ARHGEF4: variants seen among roughly 807,000 people sequenced by gnomAD.
The protein encoded by ARHGEF4 is Rho guanine nucleotide exchange factor 4, also known as APC-stimulated guanine nucleotide exchange factor 1.
A neutral mutation model predicts 162.0 loss-of-function variants in ARHGEF4; 119 were observed. That is an observed-to-expected ratio of 0.73 (90% confidence interval 0.63 to 0.86). ARHGEF4 has a LOEUF of 0.86. Ranked by LOEUF, ARHGEF4 falls within the 40% of genes least tolerant of loss-of-function variation. ARHGEF4 has a pLI of 0.00. For synonymous variants in ARHGEF4, 1,014 were observed against 979.9 expected, an observed-to-expected ratio of 1.03 and a Z score of -0.65; for missense variants, 2,488 against 2,456.0, an observed-to-expected ratio of 1.01 and a Z score of -0.28.
intron 1 of ARHGEF4, among the ~76,000 whole-genome samples, chr2:130,902,321 A>T (rs1680530369): frequency 6.6e-6 from 1 of 151,914 alleles, no homozygotes; most frequent in Admixed American, 6.6e-5. Context: ...ATACAAGGGA[A>T]GTAAAAAGAA....
intron 5 of ARHGEF4, among the ~76,000 whole-genome samples, chr2:131,032,748 C>G (rs143411302): frequency 6.6e-6 from 1 of 152,008 alleles, no homozygotes; most frequent in African/African-American, 2.4e-5. Context: ...TGCCACCAGC[C>G]TAGTTGGGCC....
At chr2:130,944,328 GT>G (rs1683483193) in intron 3 of ARHGEF4, among the ~76,000 whole-genome samples, 1 of 152,128 alleles carries the variant, frequency 6.6e-6, no homozygotes, top group Non-Finnish European at 1.5e-5. Context: ...TATTTGGGAT[GT>G]TTTCAGAAAT....
At chr2:131,002,138 G>C (rs184085573) in intron 4 of ARHGEF4, among the ~76,000 whole-genome samples, 2 of 152,260 alleles carry the variant, frequency 1.3e-5, no homozygotes, top group African/African-American at 4.8e-5. Flanking sequence ...GGAGTACAGT[G>C]GTAAACAAGG....
At chr2:130,954,810 G>A (rs553089271) in intron 4 of ARHGEF4, among the ~76,000 whole-genome samples, 25 of 152,270 alleles carry the variant, frequency 1.6e-4, no homozygotes, top group African/African-American at 5.5e-4. Context: ...TCCTGGGTGT[G>A]TAGGTTATTG....
At chr2:130,890,872 G>A (rs1017343903) in intron 1 of ARHGEF4, among the ~76,000 whole-genome samples, 5 of 152,006 alleles carry the variant, frequency 3.3e-5, no homozygotes, top group African/African-American at 7.2e-5. Context: ...AGGGCCATGC[G>A]GTATCATGTC....
intron 1 of ARHGEF4, among the ~76,000 whole-genome samples, chr2:130,842,511 G>T (rs1451801417): frequency 6.6e-6 from 1 of 152,198 alleles, no homozygotes; most frequent in Admixed American, 6.5e-5. Context: ...GTACAGGGCA[G>T]TTAGAAGTAG....
intron 1 of ARHGEF4, among the ~76,000 whole-genome samples, chr2:130,859,255 A>G (rs1175151207): frequency 1.0e-4 from 1 of 9,688 alleles, no homozygotes; most frequent in African/African-American, 2.5e-4. Flanking sequence ...GCTGGGCATG[A>G]TGGCATGCAC....
intron 1 of ARHGEF4, among the ~76,000 whole-genome samples, chr2:130,886,223 A>G (rs1679509403): frequency 6.6e-6 from 1 of 151,818 alleles, no homozygotes; most frequent in African/African-American, 2.4e-5. Flanking sequence ...ATTTGATTTG[A>G]TGATGCTTTG....
chr2:130,879,327 T>G (rs1269872476), intron 1 of ARHGEF4, among the ~76,000 whole-genome samples: 2 of 152,212 alleles, frequency 1.3e-5, no homozygotes, highest in Non-Finnish European at 2.9e-5. Context: ...AATTGACAGA[T>G]AAAAATCATA....
chr2:130,874,071 A>G (rs951743389), intron 1 of ARHGEF4, among the ~76,000 whole-genome samples: 8 of 150,122 alleles, frequency 5.3e-5, no homozygotes, highest in African/African-American at 1.8e-4. Context: ...TTCTTTCACT[A>G]ATTAAAAGAA....
chr2:130,962,453 GC>G (rs1314153475), intron 4 of ARHGEF4, among the ~76,000 whole-genome samples: 2 of 152,122 alleles, frequency 1.3e-5, no homozygotes, highest in Non-Finnish European at 2.9e-5. Context: ...GCCTGTGGTG[GC>G]CCACTGCCCC....
intron 3 of ARHGEF4, among the ~76,000 whole-genome samples, chr2:130,932,219 A>G (rs1313823014): frequency 6.6e-6 from 1 of 152,004 alleles, no homozygotes; most frequent in Non-Finnish European, 1.5e-5. Context: ...CATAGCACAT[A>G]TCAATACTTC....
chr2:130,846,902 G>A (rs867257569), intron 1 of ARHGEF4, among the ~76,000 whole-genome samples: 20 of 152,202 alleles, frequency 1.3e-4, no homozygotes, highest in African/African-American at 4.3e-4. Flanking sequence ...ACACGGGTAC[G>A]TTTAGCAGGA....
chr2:131,035,729 TCCCACGGGCAGAGCCCCTCTGCCC>T, intron 5 of ARHGEF4: 1 of 985,466 alleles, frequency 1.0e-6, no homozygotes, highest in Non-Finnish European at 1.2e-6. Flanking sequence ...GTGTCAGTCT[TCCCACGGGCAGAGCCCCTCTGCCC>T]CCCTTGCACG....
At chr2:130,838,605 CA>C (rs1034542423) in intron 1 of ARHGEF4, among the ~76,000 whole-genome samples, 42 of 145,542 alleles carry the variant, frequency 2.9e-4, no homozygotes, top group South Asian at 6.6e-4. Flanking sequence ...GACTCCGTCT[CA>C]AAAAAAAGAA....
At chr2:130,947,156 G>C (rs1469899592) in intron 4 of ARHGEF4, 3 of 153,494 alleles carry the variant, frequency 2.0e-5, no homozygotes, top group Non-Finnish European at 1.4e-5. Flanking sequence ...CTTGAACCTG[G>C]GAGTCAGAGG....
intron 1 of ARHGEF4, among the ~76,000 whole-genome samples, chr2:130,852,396 C>T (rs1681471052): frequency 6.6e-6 from 1 of 152,176 alleles, no homozygotes; most frequent in Non-Finnish European, 1.5e-5. Flanking sequence ...TCAGGCAGGA[C>T]ACAGGCACAA....
At chr2:130,850,586 G>A (rs377188592) in intron 1 of ARHGEF4, among the ~76,000 whole-genome samples, 12 of 152,212 alleles carry the variant, frequency 7.9e-5, no homozygotes, top group South Asian at 2.1e-4. Context: ...GGCTGTCTGC[G>A]TCCACAAGGT....
chr2:130,998,781 G>A (rs1456315431), intron 4 of ARHGEF4, among the ~76,000 whole-genome samples: 1 of 152,206 alleles, frequency 6.6e-6, no homozygotes, highest in Non-Finnish European at 1.5e-5. Context: ...ATAAACATTT[G>A]TGTACACGTT....
Sources: allele counts gnomAD v4.1 joint callset (sites outside exome capture counted in the v4.1 genomes callset), GRCh38; gene constraint gnomAD v4.1.1; transcripts MANE v1.5; gene names NCBI Gene and HGNC (gene_info 2026-07-23, HGNC 2026-07-21).